Variants in ODAD1 observed in about 807,000 individuals in gnomAD.
ODAD1 encodes the protein outer dynein arm-docking complex subunit 1.
Under a neutral mutation model 67.2 loss-of-function variants are expected in ODAD1, and 49 were observed. That is an observed-to-expected ratio of 0.73 (90% CI 0.58 to 0.92). The LOEUF is 0.92. Among genes scored for constraint, ODAD1 ranks in the 40% least tolerant of loss-of-function variants. ODAD1 has a pLI of 0.00. For missense variants in ODAD1, 897 were observed against 953.7 expected (o/e 0.94, Z 0.78); for synonymous variants, 345 against 393.7 (o/e 0.88, Z 1.46).
chr19:48,302,464 A>AGATG, intron 12 of ODAD1, among the ~76,000 whole-genome samples: 1 of 150,508 alleles, frequency 6.6e-6, no homozygotes, highest in East Asian at 2.0e-4. Flanking sequence ...ATGCATTGAT[A>AGATG]GATGGATGGA....
intron 7 of ODAD1, among the ~76,000 whole-genome samples, chr19:48,307,591 G>T (rs193263180): frequency 6.6e-6 from 1 of 152,056 alleles, no homozygotes. Flanking sequence ...CGAGGTGGGC[G>T]GATCACGAGG....
At chr19:48,311,728 G>T in intron 6 of ODAD1, 62 bp from the exon 7 acceptor site, 1 of 1,026,592 alleles carries the variant, frequency 9.7e-7, no homozygotes, top group Non-Finnish European at 1.5e-6. Flanking sequence ...CCTCCTCCAA[G>T]CTCAGCCAAG....
chr19:48,309,513 C>T (rs116469009), intron 7 of ODAD1, among the ~76,000 whole-genome samples: 1,695 of 152,204 alleles, frequency 0.011, 26 homozygotes, highest in African/African-American at 0.031. Flanking sequence ...AGAGGAGCTG[C>T]CCCCTGCAGG....
rs370250423 is a variant in ODAD1 at position 48,296,904 on chromosome 19, CAG to C, written c.*70_*71del. The stretch of plus-strand genomic sequence containing the variant: ...AAAAGACAGAGACCCACAAGGCAAA[CAG>C]GGGAAGTAGAGACACAAAAAAAGAC... On this transcript the variant is annotated 3_prime_UTR_variant, in exon 16 of 16. Transcript: ENST00000674294. 178 of 1,463,528 alleles carry C rather than the reference CAG, an allele frequency of 1.2e-4. No individual in the cohort carries two copies. In the African/African-American group the frequency reaches 2.3e-3, roughly 19 times the overall value. The allele number at this position is 1,463,528 out of a possible 1,614,324, so 90.7% of individuals were successfully genotyped here. A position where few individuals can be genotyped will look rare whatever the true frequency, so the allele number is the denominator to read the frequency against.
Position 48,302,768 on chromosome 19 carries a change from T to C in ODAD1, c.1166A>G (p.Lys389Arg), listed in dbSNP as rs199792051. 104 of 1,613,766 alleles carry C rather than the reference T, an allele frequency of 6.4e-5. No individual in the cohort carries two copies. The highest frequency in any genetic ancestry group is 8.8e-5 in the Non-Finnish European group (104 of 1,180,030). ...QQKVLQQRMD[K>R]VHSEAERLEA... ...AAGGCGCTCAGCCTCCGAGTGCACC[T>C]TGTCCATGCGCTGCTGCAACACCTT... is the stretch of plus-strand genomic sequence containing the variant. Residue 389 changes from lysine (K) to arginine (R), a missense_variant, in exon 12 of 16, where the codon AAG becomes AGG. Coordinates refer to ENST00000674294, the MANE Select transcript of ODAD1 (RefSeq NM_001364171.2).
chr19:48,297,932 T>A, intron 14 of ODAD1, 68 bp downstream of exon 14: 1 of 1,288,274 alleles, frequency 7.8e-7, no homozygotes, highest in Non-Finnish European at 1.1e-6. Flanking sequence ...AAACTCTCTA[T>A]CCTGTGTGTT....
In ODAD1 at chr19:48,304,231, G is replaced by C. The variant is rs925233835; in HGVS notation, c.666-91C>G. On this transcript the variant is annotated intron_variant, in intron 8 of 15. Transcript: ENST00000674294. Reference sequence around the variant, plus strand: ...ATGGGCGGGGTCAGCCAGAGGTTGTGGGGGGTGAGGTGGAGTCAGCTGGTG... The same window carrying C: ...ATGGGCGGGGTCAGCCAGAGGTTGTCGGGGGTGAGGTGGAGTCAGCTGGTG... The C allele has an allele frequency of 3.8e-6, 5 of 1,326,904 alleles. No homozygotes were observed. In the Admixed American group the frequency reaches 7.5e-5, roughly 20 times the overall value. The allele number at this position is 1,326,904 out of a possible 1,614,324, so 82.2% of individuals were successfully genotyped here. A position where few individuals can be genotyped will look rare whatever the true frequency, so the allele number is the denominator to read the frequency against.
intron 7 of ODAD1, among the ~76,000 whole-genome samples, chr19:48,307,084 T>C (rs946879024): frequency 1.3e-5 from 2 of 151,208 alleles, no homozygotes; most frequent in Non-Finnish European, 2.9e-5. Context: ...CTTGGGACAA[T>C]GAGGCAGAAG....
Position 48,303,767 on chromosome 19 carries a change from C to T in ODAD1, c.871G>A (p.Gly291Ser). 6.2e-7 allele frequency: 1 copy of T among 1,610,840 alleles called. No homozygotes were observed. Among genetic ancestry groups the T allele is most frequent in the South Asian group, 1.1e-5 (1 of 90,708 alleles). The stretch of plus-strand genomic sequence containing the variant: ...CTCTCCTGGGAGGTCTTCCAGACGC[C>T]CTCGGCCACCTCCCCGGCTAGGGGA... ...REKQAGEVAE[G>S]VWKTSQERLV... The change falls in exon 10 of 16, where the codon GGC (glycine) becomes AGC (serine). Residue 291 changes from glycine to serine, a missense_variant. Transcript: ENST00000674294.
chr19:48,301,440 G>A (rs1003375377), intron 12 of ODAD1, among the ~76,000 whole-genome samples: 9 of 151,778 alleles, frequency 5.9e-5, no homozygotes, highest in Admixed American at 5.3e-4. Context: ...TGAAACAAGT[G>A]GAATAATGCA....
intron 5 of ODAD1, among the ~76,000 whole-genome samples, chr19:48,316,913 C>T (rs534040201): frequency 1.2e-4 from 19 of 152,204 alleles, no homozygotes; most frequent in African/African-American, 4.3e-4. Context: ...GCAGGAGGAT[C>T]GCTTGAACCT....
At chr19:48,306,419 A>G (rs1012034183) in intron 7 of ODAD1, 96 bp from the exon 8 acceptor site, 1 of 1,038,520 alleles carries the variant, frequency 9.6e-7, no homozygotes, top group East Asian at 2.6e-5. Flanking sequence ...TAAGGAGTAA[A>G]GCTCTTGAGC....
intron 1 of ODAD1, among the ~76,000 whole-genome samples, chr19:48,321,109 G>A (rs1969019388): frequency 6.6e-6 from 1 of 152,150 alleles, no homozygotes; most frequent in Non-Finnish European, 1.5e-5. Context: ...ATGGCGGCTC[G>A]TGCCTGTAAT....
chr19:48,307,780 A>C (rs1331957630), intron 7 of ODAD1, among the ~76,000 whole-genome samples: 1 of 148,876 alleles, frequency 6.7e-6, no homozygotes. Context: ...ATGCCACTGC[A>C]CTCCAGCACT....
intron 11 of ODAD1, 21 bp downstream of exon 11, chr19:48,302,992 G>A (rs1968510410): frequency 1.9e-6 from 3 of 1,610,018 alleles, no homozygotes; most frequent in Non-Finnish European, 2.5e-6. Flanking sequence ...GGAGGAGATG[G>A]AGAGGGCAGG....
chr19:48,309,333 T>C (rs771678288), intron 7 of ODAD1, among the ~76,000 whole-genome samples: 1 of 152,140 alleles, frequency 6.6e-6, no homozygotes, highest in Non-Finnish European at 1.5e-5. Context: ...AGTGGGGACT[T>C]GCAACGTCTC....
At chr19:48,303,208 G>T (rs1046882237) in intron 10 of ODAD1, 113 bp from the exon 11 acceptor site, 25 of 817,504 alleles carry the variant, frequency 3.1e-5, no homozygotes, top group South Asian at 2.8e-5. Context: ...GATGAGGAAG[G>T]CCACACAGAA....
rs1230000578 is a variant in ODAD1 at position 48,298,074 on chromosome 19, A to C, written c.1428T>G (p.Ala476=). Reference sequence around the variant, plus strand: ...GGCTCTGGCCCAGCACTAGGAGGGCAGCGTCGGCCAGGGAGGTGAAGCTCT... The same window carrying C: ...GGCTCTGGCCCAGCACTAGGAGGGCCGCGTCGGCCAGGGAGGTGAAGCTCT... ...HAQSFTSLAD[A]ALLVLGQSLE... The change falls in exon 14 of 16, where the codon GCT becomes GCG. Residue 476 remains alanine (A), a synonymous_variant. Coordinates refer to ENST00000674294, the MANE Select transcript of ODAD1 (RefSeq NM_001364171.2). The C allele has an allele frequency of 6.2e-7, 1 of 1,613,038 alleles. No homozygotes were observed. Among genetic ancestry groups the C allele is most frequent in the Non-Finnish European group, 8.5e-7 (1 of 1,179,662 alleles).
intron 12 of ODAD1, among the ~76,000 whole-genome samples, chr19:48,300,341 A>G (rs1968428925): frequency 6.6e-6 from 1 of 152,176 alleles, no homozygotes. Flanking sequence ...AAAATTTTTA[A>G]AAAGGAAACT....
Sources: allele counts gnomAD v4.1 joint callset (sites outside exome capture counted in the v4.1 genomes callset), GRCh38; gene constraint gnomAD v4.1.1; transcripts MANE v1.5; gene names NCBI Gene and HGNC (gene_info 2026-07-23, HGNC 2026-07-21).